MEMO1: variants seen among roughly 807,000 people sequenced by gnomAD.
The protein encoded by MEMO1 is protein MEMO1.
In MEMO1, 6 loss-of-function variants were observed where a neutral mutation model predicts 45.2. The ratio of observed to expected loss-of-function variants is 0.13; its 90% CI spans 0.07 to 0.26. The LOEUF (loss-of-function observed/expected upper bound fraction) is 0.26, where lower values mean the gene tolerates loss of function less well. Among genes scored for constraint, MEMO1 ranks in the 10% least tolerant of loss-of-function variants. MEMO1 has a pLI of 1.00. For missense variants in MEMO1, 184 were observed against 370.5 expected, an observed-to-expected ratio of 0.50 and a Z score of 4.13; for synonymous variants, 78 against 124.3, an observed-to-expected ratio of 0.63 and a Z score of 2.48.
intron 2 of MEMO1, among the ~76,000 whole-genome samples, chr2:31,993,841 C>T (rs574757378): frequency 2.0e-5 from 3 of 151,358 alleles, no homozygotes; most frequent in Non-Finnish European, 2.9e-5. Flanking sequence ...CCAAACTATC[C>T]TATTTTTTAT....
chr2:31,921,132 G>A (rs946409567), intron 4 of MEMO1, among the ~76,000 whole-genome samples: 3 of 152,072 alleles, frequency 2.0e-5, no homozygotes, highest in Admixed American at 6.5e-5. Flanking sequence ...TCAAAGAGGC[G>A]ATTAAGTTCA....
In MEMO1 at chr2:31,927,752, C is replaced by T. The variant is rs1683321532; in HGVS notation, c.212+4315G>A. Among the ~76,000 whole-genome samples, 4 of 150,568 alleles carry T rather than the reference C, an allele frequency of 2.7e-5. No homozygotes were observed. In the South Asian group the frequency reaches 8.4e-4, roughly 32 times the overall value. On this transcript the variant is annotated intron_variant, in intron 4 of 9. Transcript: ENST00000404530. ...TTTTTATTAACCTCTAATTTGTTTA[C>T]TTTTTTAAATAATTTTTTAAGTATC...
intron 6 of MEMO1, among the ~76,000 whole-genome samples, chr2:31,894,066 T>G (rs1364994001): frequency 6.6e-6 from 1 of 152,138 alleles, no homozygotes; most frequent in African/African-American, 2.4e-5. Context: ...GAACTTCCAG[T>G]GAAGGAATAC....
intron 2 of MEMO1, among the ~76,000 whole-genome samples, chr2:31,977,877 T>C (rs1005776250): frequency 6.6e-6 from 1 of 152,204 alleles, no homozygotes; most frequent in Non-Finnish European, 1.5e-5. Flanking sequence ...ATATGTAGTA[T>C]GAGTTAAATT....
intron 2 of MEMO1, among the ~76,000 whole-genome samples, chr2:31,979,571 G>C (rs947322301): frequency 6.6e-6 from 1 of 152,076 alleles, no homozygotes; most frequent in African/African-American, 2.4e-5. Flanking sequence ...AGTGGTGACA[G>C]CACAATGTCA....
At chr2:31,878,386 G>C (rs1466815400) in intron 8 of MEMO1, among the ~76,000 whole-genome samples, 1 of 152,180 alleles carries the variant, frequency 6.6e-6, no homozygotes, top group Non-Finnish European at 1.5e-5. Flanking sequence ...ATCTGATTTA[G>C]ATTTTAAAAT....
rs1378703186 is a variant in MEMO1, at chr2:31,892,048, T to C, written c.524A>G (p.Lys175Arg). ...KEQEFGKLFS[K>R]YLADPSNLFV... is the part of the protein sequence containing the mutation. ...GAGATTACTAGGATCCGCTAGATATTTACTGAAGAGTTTTCCGAATTCCTG... is the reference window on the plus strand; with the variant it reads ...GAGATTACTAGGATCCGCTAGATATCTACTGAAGAGTTTTCCGAATTCCTG... The change falls in exon 7 of 10, where the codon AAA becomes AGA. Residue 175 changes from lysine (K) to arginine (R), a missense_variant. Transcript: ENST00000404530. 2 of 1,612,942 alleles carry C rather than the reference T, an allele frequency of 1.2e-6. No individual in the cohort carries two copies. Among genetic ancestry groups the C allele is most frequent in the Non-Finnish European group, 1.7e-6 (2 of 1,179,570 alleles).
chr2:31,969,461 T>A (rs765533863), intron 2 of MEMO1, among the ~76,000 whole-genome samples: 1 of 151,638 alleles, frequency 6.6e-6, no homozygotes, highest in Non-Finnish European at 1.5e-5. Context: ...ATCACACATA[T>A]GTGTATAATG....
chr2:31,993,770 T>C (rs1003865143), intron 2 of MEMO1, among the ~76,000 whole-genome samples: 4 of 152,050 alleles, frequency 2.6e-5, no homozygotes, highest in African/African-American at 9.7e-5. Flanking sequence ...TCACTGATTA[T>C]ATGGCAGATT....
chr2:31,900,458 C>G (rs1340735414), intron 6 of MEMO1, among the ~76,000 whole-genome samples: 1 of 152,030 alleles, frequency 6.6e-6, no homozygotes, highest in African/African-American at 2.4e-5. Context: ...CATGTTCTCA[C>G]TCATTAACTG....
intron 8 of MEMO1, among the ~76,000 whole-genome samples, chr2:31,871,518 C>CACAT (rs1558466571): frequency 8.4e-6 from 1 of 118,946 alleles, no homozygotes; most frequent in African/African-American, 3.2e-5. Flanking sequence ...CACACACACA[C>CACAT]ATATATATAT....
intron 8 of MEMO1, among the ~76,000 whole-genome samples, chr2:31,882,579 A>T (rs1007957375): frequency 3.9e-5 from 6 of 152,174 alleles, no homozygotes; most frequent in African/African-American, 1.4e-4. Context: ...TGGTCCAAGG[A>T]AATAATAAAA....
chr2:31,988,462 C>G (rs1318029479), intron 2 of MEMO1, among the ~76,000 whole-genome samples: 1 of 151,862 alleles, frequency 6.6e-6, no homozygotes, highest in Non-Finnish European at 1.5e-5. Flanking sequence ...CGGGAGAATC[C>G]CTTGAACCCA....
At chr2:31,986,664 G>C (rs1366761351) in intron 2 of MEMO1, among the ~76,000 whole-genome samples, 1 of 152,120 alleles carries the variant, frequency 6.6e-6, no homozygotes, top group Non-Finnish European at 1.5e-5. Flanking sequence ...AAACAAGACA[G>C]GCAGGTCTAC....
At chr2:31,869,175 C>T (rs1026618368) in intron 9 of MEMO1, among the ~76,000 whole-genome samples, 8 of 152,142 alleles carry the variant, frequency 5.3e-5, no homozygotes, top group Admixed American at 5.2e-4. Flanking sequence ...CTATTCTGGA[C>T]TACATTATCT....
intron 2 of MEMO1, among the ~76,000 whole-genome samples, chr2:31,959,184 T>C (rs147650165): frequency 1.3e-5 from 2 of 152,076 alleles, no homozygotes; most frequent in African/African-American, 4.8e-5. Context: ...TTAGTAAGAG[T>C]GTGAGCCTTA....
chr2:31,968,286 G>A (rs1004278811), intron 2 of MEMO1, among the ~76,000 whole-genome samples: 13 of 152,160 alleles, frequency 8.5e-5, no homozygotes, highest in African/African-American at 2.9e-4. Context: ...ACGGGAATAG[G>A]ATGCATCTGC....
chr2:31,947,109 A>G (rs898258180), intron 2 of MEMO1, among the ~76,000 whole-genome samples: 4 of 152,156 alleles, frequency 2.6e-5, no homozygotes, highest in Admixed American at 2.0e-4. Context: ...CCCTGTGATT[A>G]AGTAACACGA....
intron 8 of MEMO1, among the ~76,000 whole-genome samples, chr2:31,873,231 G>A (rs1674052037): frequency 6.6e-6 from 1 of 152,104 alleles, no homozygotes; most frequent in African/African-American, 2.4e-5. Context: ...TAATGTGGAG[G>A]AGTGAAATGG....
Sources: allele counts gnomAD v4.1 joint callset (sites outside exome capture counted in the v4.1 genomes callset), GRCh38; gene constraint gnomAD v4.1.1; transcripts MANE v1.5; gene names NCBI Gene and HGNC (gene_info 2026-07-23, HGNC 2026-07-21).